Variants in NFASC observed in about 807,000 individuals in gnomAD.
NFASC encodes neurofascin, also known as neurofascin homolog.
In NFASC, 43 loss-of-function variants were observed where a neutral mutation model predicts 147.5. The ratio of observed to expected loss-of-function variants is 0.29; its 90% CI spans 0.23 to 0.38. The LOEUF (loss-of-function observed/expected upper bound fraction) is 0.38. Among genes scored for constraint, NFASC ranks in the 10% least tolerant of loss-of-function variants. The pLI, the probability that NFASC is intolerant of heterozygous loss-of-function variation, is 1.00. For missense variants in NFASC, 1,320 were observed against 1,689.0 expected (o/e 0.78, Z 3.83); for synonymous variants, 622 against 665.5 (o/e 0.93, Z 1.01).
intron 1 of NFASC, among the ~76,000 whole-genome samples, chr1:204,905,320 C>T (rs1018288813): frequency 6.6e-6 from 1 of 151,784 alleles, no homozygotes; most frequent in African/African-American, 2.4e-5. Flanking sequence ...TTCCCACCAG[C>T]AGTGCACAAG....
At chr1:205,000,893 G>A (rs1170267694) in intron 25 of NFASC, 1 of 503,236 alleles carries the variant, frequency 2.0e-6, no homozygotes, top group Non-Finnish European at 3.6e-6. Flanking sequence ...GACACAGTCA[G>A]TTTCCAGCTC....
In NFASC at chr1:204,872,855, G is replaced by A. The variant is rs114907510; in HGVS notation, c.-200+44073G>A. Among the ~76,000 whole-genome samples, 580 of 152,280 alleles carry A rather than the reference G, an allele frequency of 3.8e-3. 2 individuals are homozygous for A. The highest frequency in any genetic ancestry group is 7.0e-3 in the Non-Finnish European group (473 of 68,014). On this transcript the variant is annotated intron_variant, in intron 1 of 29. Transcript: ENST00000339876. ...GTAGGCAGTTCTCTGAGCATTGGAT[G>A]TTTGTCCTCATATAAACCTTTCAAC...
At chr1:205,002,854 C>G in intron 27 of NFASC, 106 bp downstream of exon 27, 1 of 867,666 alleles carries the variant, frequency 1.2e-6, no homozygotes, top group Non-Finnish European at 1.6e-6. Context: ...TCATCCCCCA[C>G]CCCATTTCCC....
At chr1:205,012,444 A>G (rs1356831705) in intron 28 of NFASC, among the ~76,000 whole-genome samples, 1 of 152,256 alleles carries the variant, frequency 6.6e-6, no homozygotes, top group Non-Finnish European at 1.5e-5. Context: ...GCAGAGTAAG[A>G]AAGGTGCAAA....
chr1:204,939,048 G>GA (rs2093137924), intron 2 of NFASC, among the ~76,000 whole-genome samples: 3 of 149,728 alleles, frequency 2.0e-5, no homozygotes, highest in Non-Finnish European at 4.5e-5. Context: ...ATGTGTGTGT[G>GA]TGTGTGTGTG....
chr1:204,963,178 G>A (rs1449088356), intron 8 of NFASC, among the ~76,000 whole-genome samples: 1 of 152,210 alleles, frequency 6.6e-6, no homozygotes, highest in Non-Finnish European at 1.5e-5. Context: ...GCCAGGGAGA[G>A]AGGCAAAGGC....
chr1:204,916,372 T>A (rs2089250880), intron 1 of NFASC, among the ~76,000 whole-genome samples: 1 of 152,240 alleles, frequency 6.6e-6, no homozygotes, highest in South Asian at 2.1e-4. Flanking sequence ...AAAGCACTGG[T>A]GGTAATTGTG....
chr1:204,940,759 G>A (rs2093312084), intron 2 of NFASC, among the ~76,000 whole-genome samples: 1 of 152,158 alleles, frequency 6.6e-6, no homozygotes, highest in Non-Finnish European at 1.5e-5. Context: ...CATCCATGTT[G>A]GAGCATGTCA....
chr1:204,959,795 G>A (rs1325640017), intron 8 of NFASC, among the ~76,000 whole-genome samples: 1 of 152,244 alleles, frequency 6.6e-6, no homozygotes, highest in Non-Finnish European at 1.5e-5. Context: ...AACTTCCTCT[G>A]CAGTTAGAGA....
rs138140726 is a variant in NFASC at position 204,930,308 on chromosome 1, C to T, written c.-91+9568C>T. ...GATGAGCATGTCTGCAGAGCCGGGG[C>T]AGGCTCTGCTACAGGGACAGGATGC... On this transcript the variant is annotated intron_variant, in intron 2 of 29. Transcript: ENST00000339876. 3.4e-3 allele frequency among the ~76,000 whole-genome samples: 510 copies of T among 152,238 alleles called. 11 individuals are homozygous for T. Among genetic ancestry groups the T allele is most frequent in the South Asian group, 9.5e-3 (46 of 4,822 alleles).
chr1:204,866,085 A>G (rs1345507741), intron 1 of NFASC, among the ~76,000 whole-genome samples: 3 of 152,148 alleles, frequency 2.0e-5, no homozygotes, highest in African/African-American at 7.2e-5. Flanking sequence ...GTCATCCACA[A>G]CTTTGCTCAA....
At chr1:204,935,980 G>A (rs1359793094) in intron 2 of NFASC, among the ~76,000 whole-genome samples, 1 of 152,010 alleles carries the variant, frequency 6.6e-6, no homozygotes, top group African/African-American at 2.4e-5. Context: ...TCACTCAACA[G>A]TCTTTTCTTC....
At chr1:204,891,989 G>C (rs1460800805) in intron 1 of NFASC, among the ~76,000 whole-genome samples, 1 of 152,208 alleles carries the variant, frequency 6.6e-6, no homozygotes, top group Non-Finnish European at 1.5e-5. Flanking sequence ...TAGGGAAGAA[G>C]ATACCATGGG....
At chr1:204,959,150 C>G (rs79158927) in intron 8 of NFASC, among the ~76,000 whole-genome samples, 3,758 of 144,598 alleles carry the variant, frequency 0.026, 70 homozygotes, top group Middle Eastern at 0.045. Context: ...TTTCTTTCTT[C>G]TTTTCCATCT....
intron 2 of NFASC, among the ~76,000 whole-genome samples, chr1:204,938,114 C>T (rs772922980): frequency 9.9e-5 from 15 of 152,162 alleles, no homozygotes; most frequent in Non-Finnish European, 2.1e-4. Context: ...GAGGAGCTCC[C>T]GATGGCGACA....
intron 1 of NFASC, among the ~76,000 whole-genome samples, chr1:204,904,800 C>T (rs2085428369): frequency 6.6e-6 from 1 of 152,146 alleles, no homozygotes; most frequent in South Asian, 2.1e-4. Flanking sequence ...GTTCATGACT[C>T]ACTCTCATCA....
chr1:204,881,193 C>T (rs1295086006), intron 1 of NFASC, among the ~76,000 whole-genome samples: 3 of 152,316 alleles, frequency 2.0e-5, no homozygotes, highest in Non-Finnish European at 4.4e-5. Context: ...GAGCCTCTAC[C>T]TTGGCCCTAG....
intron 2 of NFASC, among the ~76,000 whole-genome samples, chr1:204,924,351 C>G (rs2091110842): frequency 6.6e-6 from 1 of 152,236 alleles, no homozygotes; most frequent in Non-Finnish European, 1.5e-5. Context: ...TCTTTCCTCT[C>G]TATGCTCCCG....
chr1:204,979,170 A>T lies in NFASC; in HGVS notation c.1978+101A>T. 1.8e-6 allele frequency: 2 copies of T among 1,085,780 alleles called. No individual in the cohort carries two copies. The highest frequency in any genetic ancestry group is 2.7e-6 in the Non-Finnish European group (2 of 739,020). The allele number at this position is 1,085,780 out of a possible 1,614,324, so 67.3% of individuals were successfully genotyped here. ...TCCAGCCCCACTTCTGCCTCGCTTG[A>T]TGTGTGTCCTGGGCTAACCTCAGAA... On this transcript the variant is annotated intron_variant, in intron 18 of 29. Coordinates refer to ENST00000339876, the MANE Select transcript of NFASC (RefSeq NM_001005388.3). This position sits in a 1 kb window ranked among gnomAD's most constrained non-coding sequence, Gnocchi z 6.0.
Sources: allele counts gnomAD v4.1 joint callset (sites outside exome capture counted in the v4.1 genomes callset), GRCh38; gene constraint gnomAD v4.1.1; non-coding constraint Gnocchi (gnomAD v3.1); transcripts MANE v1.5; gene names NCBI Gene and HGNC (gene_info 2026-07-23, HGNC 2026-07-21).